CDKAL1: variants seen among roughly 807,000 people sequenced by gnomAD.
CDKAL1 encodes the protein threonylcarbamoyladenosine tRNA methylthiotransferase.
CDKAL1 carries 32 observed loss-of-function variants against 68.2 expected under a neutral mutation model. The observed-to-expected ratio is 0.47, with a 90% CI of 0.35 to 0.63. The LOEUF (loss-of-function observed/expected upper bound fraction) is 0.63. Ranked by LOEUF, CDKAL1 falls within the 30% of genes least tolerant of loss-of-function variation. The pLI, the probability that CDKAL1 is intolerant of heterozygous loss-of-function variation, is 0.00. For synonymous variants in CDKAL1, 234 were observed against 244.3 expected, an observed-to-expected ratio of 0.96 and a Z score of 0.39; for missense variants, 606 against 696.7, an observed-to-expected ratio of 0.87 and a Z score of 1.47.
At chr6:21,189,781 T>G (rs750095631) in intron 13 of CDKAL1, among the ~76,000 whole-genome samples, 7 of 152,214 alleles carry the variant, frequency 4.6e-5, no homozygotes, top group Non-Finnish European at 8.8e-5. Flanking sequence ...GTTGACCGTT[T>G]TTAGCATAAG....
At chr6:21,042,510 A>G (rs1478796385) in intron 11 of CDKAL1, among the ~76,000 whole-genome samples, 1 of 152,112 alleles carries the variant, frequency 6.6e-6, no homozygotes, top group Non-Finnish European at 1.5e-5. Flanking sequence ...TTAAAATCCT[A>G]GAATCATATT....
At chr6:20,794,628 A>G (rs1776036841) in intron 8 of CDKAL1, among the ~76,000 whole-genome samples, 2 of 152,272 alleles carry the variant, frequency 1.3e-5, no homozygotes, top group Middle Eastern at 3.4e-3. Flanking sequence ...TCACATATTC[A>G]TAGACTGTTA....
intron 5 of CDKAL1, among the ~76,000 whole-genome samples, chr6:20,714,406 T>TTTTTG (rs1562046861): frequency 6.7e-5 from 7 of 104,152 alleles, no homozygotes; most frequent in Admixed American, 9.6e-5. Context: ...TTTTTTTTTT[T>TTTTTG]GAGACAGAAT....
chr6:20,898,190 C>A (rs1761791092), intron 9 of CDKAL1, among the ~76,000 whole-genome samples: 1 of 151,738 alleles, frequency 6.6e-6, no homozygotes, highest in Admixed American at 6.6e-5. Context: ...GTTTCATTTG[C>A]TTCCTTTTAC....
chr6:21,213,882 C>T (rs1779249995), intron 15 of CDKAL1, among the ~76,000 whole-genome samples: 1 of 152,162 alleles, frequency 6.6e-6, no homozygotes, highest in Non-Finnish European at 1.5e-5. Context: ...TCCCAATATT[C>T]ATACCAGCAT....
chr6:20,601,673 C>T (rs1023065619), intron 4 of CDKAL1, among the ~76,000 whole-genome samples: 1 of 151,982 alleles, frequency 6.6e-6, no homozygotes, highest in Non-Finnish European at 1.5e-5. Flanking sequence ...TTTAAAAATC[C>T]GTGTATGATT....
chr6:20,676,665 T>TTTAAATAAATAAATAAA (rs1235184958), intron 5 of CDKAL1, among the ~76,000 whole-genome samples: 1 of 132,864 alleles, frequency 7.5e-6, no homozygotes, highest in Non-Finnish European at 1.5e-5. Flanking sequence ...AGACTCTGTC[T>TTTAAATAAATAAATAAA]TAAATAAATA....
chr6:21,119,898 C>G lies in CDKAL1; in HGVS notation c.1299+11435C>G, dbSNP rs149933636. 2.0e-5 allele frequency among the ~76,000 whole-genome samples: 3 copies of G among 152,186 alleles called. No individual in the cohort carries two copies. In the East Asian group the frequency reaches 5.8e-4, roughly 29 times the overall value. ...TCTTACACTATAGAGCTGGAAAGGCCCTTAGAGCTCATGGAGTCCCACCGC... is the reference window on the plus strand; with the variant it reads ...TCTTACACTATAGAGCTGGAAAGGCGCTTAGAGCTCATGGAGTCCCACCGC... On this transcript the variant is annotated intron_variant, in intron 13 of 15. Coordinates refer to ENST00000274695, the MANE Select transcript of CDKAL1 (RefSeq NM_017774.3).
At chr6:20,721,370 A>G (rs1772350962) in intron 5 of CDKAL1, among the ~76,000 whole-genome samples, 1 of 152,086 alleles carries the variant, frequency 6.6e-6, no homozygotes, top group Admixed American at 6.5e-5. Flanking sequence ...ATTGATGGAC[A>G]TTTGGGTTGG....
At chr6:20,975,534 C>T (rs910546766) in intron 10 of CDKAL1, among the ~76,000 whole-genome samples, 2 of 152,156 alleles carry the variant, frequency 1.3e-5, no homozygotes, top group South Asian at 4.1e-4. Flanking sequence ...TACATAACAT[C>T]TATTCAATAA....
In CDKAL1 at chr6:20,881,213, C is replaced by T. The variant is rs114605911; in HGVS notation, c.742+35035C>T. 5.2e-3 allele frequency among the ~76,000 whole-genome samples: 787 copies of T among 152,242 alleles called. 9 individuals carry two copies. Among genetic ancestry groups the T allele is most frequent in the African/African-American group, 0.018 (749 of 41,516 alleles). On this transcript the variant is annotated intron_variant, in intron 9 of 15. Transcript: ENST00000274695. ...TGCTGGACCCCATCCTCAGAGTCTG[C>T]GATTCAGTAGGTCTGGAGTAGAGCT... is the stretch of plus-strand genomic sequence containing the variant.
At chr6:20,677,979 C>A (rs73732736) in intron 5 of CDKAL1, among the ~76,000 whole-genome samples, 14,035 of 151,736 alleles carry the variant, frequency 0.092, 2,081 homozygotes, top group African/African-American at 0.31. Flanking sequence ...TTCCTGATGT[C>A]CTTTATTTGT....
At chr6:20,902,173 T>C (rs1187836603) in intron 9 of CDKAL1, among the ~76,000 whole-genome samples, 3 of 152,110 alleles carry the variant, frequency 2.0e-5, no homozygotes, top group Non-Finnish European at 2.9e-5. Flanking sequence ...TATTTCAAGG[T>C]TTTAGCAGTG....
In CDKAL1 at chr6:20,595,946, G is replaced by A. The variant is rs528632220; in HGVS notation, c.286+47241G>A. On this transcript the variant is annotated intron_variant, in intron 4 of 15. Transcript: ENST00000274695. ...GTCAGGACCCTCTGCTGCAGGGCTG[G>A]TGGAGTTTGCTGGAGGTCCACTCCA... 3.9e-5 allele frequency among the ~76,000 whole-genome samples: 6 copies of A among 152,284 alleles called. No individual in the cohort carries two copies. In the South Asian group the frequency reaches 1.2e-3, roughly 32 times the overall value.
At chr6:20,564,727 A>G (rs1764391662) in intron 4 of CDKAL1, among the ~76,000 whole-genome samples, 1 of 152,226 alleles carries the variant, frequency 6.6e-6, no homozygotes, top group South Asian at 2.1e-4. Context: ...AAGCCTCTGA[A>G]AACAGTCCAG....
At chr6:20,788,647 T>G (rs1775771958) in intron 8 of CDKAL1, among the ~76,000 whole-genome samples, 1 of 152,226 alleles carries the variant, frequency 6.6e-6, no homozygotes, top group African/African-American at 2.4e-5. Context: ...ACCTACTGAA[T>G]GTATAGCTTA....
At chr6:20,578,744 C>T (rs943604841) in intron 4 of CDKAL1, among the ~76,000 whole-genome samples, 1 of 152,124 alleles carries the variant, frequency 6.6e-6, no homozygotes, top group African/African-American at 2.4e-5. Flanking sequence ...CAGACATGTT[C>T]GGTGAAAGCA....
chr6:21,015,768 A>C (rs1450616512), intron 11 of CDKAL1, among the ~76,000 whole-genome samples: 1 of 151,990 alleles, frequency 6.6e-6, no homozygotes, highest in Non-Finnish European at 1.5e-5. Flanking sequence ...CTCTACTAAA[A>C]ATACAAAAAT....
At chr6:20,721,735 T>TTTG (rs1772378400) in intron 5 of CDKAL1, among the ~76,000 whole-genome samples, 1 of 138,438 alleles carries the variant, frequency 7.2e-6, no homozygotes, top group African/African-American at 2.8e-5. Context: ...GTTTTTTTTT[T>TTTG]TTTTTTTTTT....
Sources: gnomAD v4.1 joint callset for allele counts (sites outside exome capture counted in the v4.1 genomes callset) on GRCh38, gnomAD v4.1.1 for gene constraint, MANE v1.5 for transcripts, NCBI Gene and HGNC (gene_info 2026-07-23, HGNC 2026-07-21) for gene names.